The following ENTPD7 variants were observed in gnomAD, a reference collection of about 807,000 sequenced individuals.
ENTPD7 encodes NTPDase 7.
Under a neutral mutation model 77.9 loss-of-function variants are expected in ENTPD7, and 53 were observed. The ratio of observed to expected loss-of-function variants is 0.68; its 90% CI spans 0.55 to 0.85. ENTPD7 has a LOEUF of 0.85. Among genes scored for constraint, ENTPD7 ranks in the 40% least tolerant of loss-of-function variants. The pLI is 0.00. For synonymous variants in ENTPD7, 248 were observed against 274.9 expected (o/e 0.90, Z 0.97); for missense variants, 636 against 743.7 (o/e 0.86, Z 1.68).
At position 99,698,901 on chromosome 10, in the gene ENTPD7, A is replaced by G; in HGVS notation, c.1335+43A>G. ...AACATGGCTTATGCTGGCAGCAGCC[A>G]TTTATTGAATGCCTCACTCTGTGCC... On this transcript the variant is annotated intron_variant, in intron 10 of 12. Transcript: ENST00000370489. The G allele has an allele frequency of 2.0e-6, 3 of 1,531,974 alleles. No homozygotes were observed. The South Asian group carries it at 3.8e-5, about 19-fold the overall frequency. 94.9% of individuals were successfully genotyped at this position (1,531,974 alleles called of 1,614,324 possible).
At chr10:99,668,509 A>G (rs1264271707) in intron 3 of ENTPD7, among the ~76,000 whole-genome samples, 1 of 152,194 alleles carries the variant, frequency 6.6e-6, no homozygotes, top group Non-Finnish European at 1.5e-5. Flanking sequence ...CATATTCTTT[A>G]TATATAAAGT....
At chr10:99,686,635 G>T (rs191896304) in intron 6 of ENTPD7, among the ~76,000 whole-genome samples, 31 of 151,704 alleles carry the variant, frequency 2.0e-4, no homozygotes, top group Admixed American at 4.6e-4. Flanking sequence ...TCCATTCATT[G>T]TAGGACTGCC....
intron 12 of ENTPD7, 61 bp from the exon 13 acceptor site, chr10:99,704,390 TA>T (rs2036205437): frequency 3.9e-6 from 6 of 1,539,596 alleles, no homozygotes; most frequent in Non-Finnish European, 5.4e-6. Flanking sequence ...TTCAAATCAG[TA>T]AATGTCTCCC....
rs1389896706 is a variant in ENTPD7, at chr10:99,710,770, A to C, written c.*6087A>C. 1.0e-6 allele frequency: 1 copy of C among 984,162 alleles called. No homozygotes were observed. Among genetic ancestry groups the C allele is most frequent in the Admixed American group, 6.2e-5 (1 of 16,166 alleles). 61.0% of individuals were successfully genotyped at this position (984,162 alleles called of 1,614,324 possible). On this transcript the variant is annotated 3_prime_UTR_variant, in exon 13 of 13. Coordinates refer to ENST00000370489, the MANE Select transcript of ENTPD7 (RefSeq NM_020354.5). Reference sequence around the variant, plus strand: ...CATGATTATCAGTGTTGATCTCTGCAACCAACATTGCTTTAGGGAGTTGCT... The same window carrying C: ...CATGATTATCAGTGTTGATCTCTGCCACCAACATTGCTTTAGGGAGTTGCT...
intron 7 of ENTPD7, among the ~76,000 whole-genome samples, chr10:99,689,320 T>C (rs559592312): frequency 2.0e-5 from 3 of 152,192 alleles, no homozygotes; most frequent in Non-Finnish European, 4.4e-5. Context: ...GGGTCATGCA[T>C]TGCATTTGAT....
At chr10:99,699,711 C>T (rs1478380517) in intron 10 of ENTPD7, among the ~76,000 whole-genome samples, 1 of 152,078 alleles carries the variant, frequency 6.6e-6, no homozygotes, top group East Asian at 1.9e-4. Flanking sequence ...ATTACAGATG[C>T]CCACCACCAT....
chr10:99,660,051 G>A (rs2035458306), intron 2 of ENTPD7, 87 bp downstream of exon 2: 4 of 1,594,280 alleles, frequency 2.5e-6, no homozygotes, highest in Middle Eastern at 3.3e-4. Flanking sequence ...TCCCAAGTGA[G>A]GTTTGCCCTG....
chr10:99,677,477 G>A (rs1430235202), intron 3 of ENTPD7, among the ~76,000 whole-genome samples: 2 of 147,376 alleles, frequency 1.4e-5, no homozygotes, highest in South Asian at 4.3e-4. Context: ...CGATTCTCCT[G>A]CCTCAGCCTC....
intron 8 of ENTPD7, among the ~76,000 whole-genome samples, chr10:99,692,962 TG>T (rs1440380521): frequency 1.3e-5 from 2 of 152,214 alleles, no homozygotes; most frequent in East Asian, 3.9e-4. Flanking sequence ...CACGGAACCT[TG>T]AGTGAGAAGT....
At position 99,698,562 on chromosome 10, in the gene ENTPD7, C is replaced by T. The variant is rs771551376; in HGVS notation, c.1039C>T (p.Pro347Ser). 1.4e-5 allele frequency: 22 copies of T among 1,614,006 alleles called. No individual in the cohort carries two copies. The South Asian group carries it at 1.9e-4, about 14-fold the overall frequency. Reference sequence around the variant, plus strand: ...GCTTGGTCAGAAGACAGGTCTGAGTCCCGACAATCCATTTCTGGATCCCTG... The same window carrying T: ...GCTTGGTCAGAAGACAGGTCTGAGTTCCGACAATCCATTTCTGGATCCCTG... Reference protein sequence around the residue: ...RLLGQKTGLSPDNPFLDPCLP... With the variant: ...RLLGQKTGLSSDNPFLDPCLP... The change falls in exon 10 of 13, where the codon CCC (proline) becomes TCC (serine). Residue 347 changes from proline (P) to serine (S), a missense_variant. Coordinates refer to ENST00000370489, the MANE Select transcript of ENTPD7 (RefSeq NM_020354.5).
chr10:99,685,783 T>C lies in ENTPD7; in HGVS notation c.549-9T>C, dbSNP rs758014656. 6.2e-7 allele frequency: 1 copy of C among 1,610,502 alleles called. No individual in the cohort carries two copies. Among genetic ancestry groups the C allele is most frequent in the South Asian group, 1.1e-5 (1 of 90,968 alleles). On this transcript the variant is annotated splice_polypyrimidine_tract_variant and intron_variant, in intron 5 of 12. Transcript: ENST00000370489. ...GACTAACTTTGGGATTTTTTGTTCTTTCTTGCAGGAAGCAGTTGGCTATCT... is the reference window on the plus strand; with the variant it reads ...GACTAACTTTGGGATTTTTTGTTCTCTCTTGCAGGAAGCAGTTGGCTATCT...
chr10:99,697,035 A>G (rs767120156), intron 9 of ENTPD7, among the ~76,000 whole-genome samples: 3 of 152,234 alleles, frequency 2.0e-5, no homozygotes, highest in Non-Finnish European at 2.9e-5. Flanking sequence ...TACGAACACT[A>G]GCTTGAAGAA....
chr10:99,673,802 A>C (rs2035646840), intron 3 of ENTPD7, among the ~76,000 whole-genome samples: 1 of 152,240 alleles, frequency 6.6e-6, no homozygotes, highest in Admixed American at 6.5e-5. Flanking sequence ...GACACGGAGG[A>C]GTTAACAGAC....
rs1041963031 is a variant in ENTPD7, at chr10:99,705,777, A to T, written c.*1094A>T. 2 of 152,262 alleles carry T rather than the reference A, an allele frequency of 1.3e-5. No homozygotes were observed. Among genetic ancestry groups the T allele is most frequent in the Non-Finnish European group, 2.9e-5 (2 of 68,042 alleles). 9.4% of individuals were successfully genotyped at this position (152,262 alleles called of 1,614,324 possible). On this transcript the variant is annotated 3_prime_UTR_variant, in exon 13 of 13. Transcript: ENST00000370489. ...CAAATTTGGAATAGATCAATCTGTT[A>T]ATAAGCCATCTGGCAACTTTCAGAA...
At chr10:99,665,992 A>G (rs1034390483) in intron 3 of ENTPD7, among the ~76,000 whole-genome samples, 1 of 152,180 alleles carries the variant, frequency 6.6e-6, no homozygotes, top group Non-Finnish European at 1.5e-5. Context: ...ACCTGCGCAT[A>G]GTTTCTCACT....
At chr10:99,693,928 A>G (rs1364039916) in intron 8 of ENTPD7, among the ~76,000 whole-genome samples, 3 of 152,182 alleles carry the variant, frequency 2.0e-5, no homozygotes, top group Admixed American at 2.0e-4. Context: ...AAAAAAAAAA[A>G]AAATAGTAAC....
In ENTPD7 at chr10:99,708,578, A is replaced by C. The variant is rs187098040; in HGVS notation, c.*3895A>C. Among the ~76,000 whole-genome samples the C allele has an allele frequency of 5.3e-4, 81 of 152,322 alleles. No homozygotes were observed. The highest frequency in any genetic ancestry group is 1.8e-3 in the Admixed American group (28 of 15,298). ...TAAAGGCAGAAGACAAGGTAGAAAA[A>C]TCATATGATTTTGGGAAGAGCATTT... On this transcript the variant is annotated 3_prime_UTR_variant, in exon 13 of 13. Transcript: ENST00000370489.
rs116031404 is a variant in ENTPD7, at chr10:99,708,388, T to A, written c.*3705T>A. 0.01 allele frequency among the ~76,000 whole-genome samples: 1,592 copies of A among 152,312 alleles called. 25 individuals are homozygous for A. Among genetic ancestry groups the A allele is most frequent in the African/African-American group, 0.035 (1,457 of 41,554 alleles). On this transcript the variant is annotated 3_prime_UTR_variant, in exon 13 of 13. Coordinates refer to ENST00000370489, the MANE Select transcript of ENTPD7 (RefSeq NM_020354.5). ...TTTTTTGTCAGGGATGAAAGACAAG[T>A]GAGTGGTATCACTTAAGGGAAAGAA...
At chr10:99,664,211 A>G (rs951062576) in intron 3 of ENTPD7, among the ~76,000 whole-genome samples, 1 of 152,172 alleles carries the variant, frequency 6.6e-6, no homozygotes, top group African/African-American at 2.4e-5. Flanking sequence ...AAGCTACAAA[A>G]TTAAATAATG....
Sources: allele counts gnomAD v4.1 joint callset (sites outside exome capture counted in the v4.1 genomes callset), GRCh38; gene constraint gnomAD v4.1.1; transcripts MANE v1.5; gene names NCBI Gene and HGNC (gene_info 2026-07-23, HGNC 2026-07-21).